The following CCR5AS variants were observed in gnomAD, a reference collection of about 807,000 sequenced individuals.
The protein encoded by CCR5AS is CCR5 antisense RNA.
At chr3:46,372,087 G>C (rs1328380532) in intron 2 of CCR5AS, among the ~76,000 whole-genome samples, 1 of 152,178 alleles carries the variant, frequency 6.6e-6, no homozygotes, top group African/African-American at 2.4e-5. Flanking sequence ...TGCCTCATAA[G>C]GTTGCCCTAA....
intron 2 of CCR5AS, among the ~76,000 whole-genome samples, chr3:46,381,722 G>A (rs1456024138): frequency 6.6e-6 from 1 of 152,168 alleles, no homozygotes; most frequent in Non-Finnish European, 1.5e-5. Flanking sequence ...ATGGTTTCCT[G>A]ACATATAATC....
At chr3:46,373,455 A>C (rs768195565) in intron 2 of CCR5AS, 4 of 1,317,080 alleles carry the variant, frequency 3.0e-6, no homozygotes, top group East Asian at 4.5e-5. Flanking sequence ...TTTTCCATAC[A>C]GTCAGTATCA....
At chr3:46,366,040 G>A (rs1701595321) in intron 3 of CCR5AS, among the ~76,000 whole-genome samples, 1 of 152,164 alleles carries the variant, frequency 6.6e-6, no homozygotes, top group Admixed American at 6.5e-5. Context: ...GAGGAGAGAT[G>A]CCCTCACTCG....
chr3:46,403,909 A>G (rs1053088199), intron 1 of CCR5AS, among the ~76,000 whole-genome samples: 4 of 152,222 alleles, frequency 2.6e-5, no homozygotes, highest in Non-Finnish European at 5.9e-5. Context: ...GAACAAAAAC[A>G]AAATAAAAAC....
chr3:46,380,314 G>A (rs1575282699), intron 2 of CCR5AS, among the ~76,000 whole-genome samples: 1 of 152,180 alleles, frequency 6.6e-6, no homozygotes, highest in East Asian at 1.9e-4. Context: ...GAAGTAAAAG[G>A]TGAGATTTGC....
exon 4 of CCR5AS, among the ~76,000 whole-genome samples, chr3:46,364,598 T>A (rs1701582986): frequency 6.6e-6 from 1 of 151,934 alleles, no homozygotes; most frequent in Admixed American, 6.6e-5. Context: ...TCAAGTCTTA[T>A]TAAGAAATAT....
chr3:46,381,160 T>C (rs1349444123), intron 2 of CCR5AS, among the ~76,000 whole-genome samples: 1 of 152,236 alleles, frequency 6.6e-6, no homozygotes, highest in African/African-American at 2.4e-5. Context: ...CTGGCGCCCA[T>C]GCTGAGCTTG....
At chr3:46,386,087 A>AT (rs954826860) in intron 2 of CCR5AS, among the ~76,000 whole-genome samples, 28 of 150,332 alleles carry the variant, frequency 1.9e-4, no homozygotes, top group African/African-American at 4.6e-4. Flanking sequence ...AATATTTTGT[A>AT]TTTTTTTTTG....
At chr3:46,405,739 C>G (rs1214344158) in intron 1 of CCR5AS, among the ~76,000 whole-genome samples, 1 of 152,214 alleles carries the variant, frequency 6.6e-6, no homozygotes, top group Admixed American at 6.5e-5. Flanking sequence ...TTGTGTTTCT[C>G]TTTCTGCCTT....
intron 1 of CCR5AS, among the ~76,000 whole-genome samples, chr3:46,402,529 T>C (rs1435442898): frequency 3.3e-5 from 5 of 152,270 alleles, no homozygotes; most frequent in African/African-American, 7.2e-5. Flanking sequence ...ATCACTATCA[T>C]AGTTTTTCTC....
chr3:46,383,348 G>A (rs1453218274), intron 2 of CCR5AS, among the ~76,000 whole-genome samples: 1 of 152,192 alleles, frequency 6.6e-6, no homozygotes, highest in Non-Finnish European at 1.5e-5. Flanking sequence ...GAGAGTGAGG[G>A]CAGCAGGCCA....
At chr3:46,371,569 A>G (rs2106742473) in intron 2 of CCR5AS, among the ~76,000 whole-genome samples, 1 of 152,330 alleles carries the variant, frequency 6.6e-6, no homozygotes, top group South Asian at 2.1e-4. Flanking sequence ...GCCTAGTCTA[A>G]GGTGCAGGGA....
At chr3:46,373,405 G>T in intron 2 of CCR5AS, 2 of 1,614,114 alleles carry the variant, frequency 1.2e-6, no homozygotes. Flanking sequence ...ATCTTTACCA[G>T]ATCTCAAAAA....
chr3:46,374,243 C>T (rs552382275), intron 2 of CCR5AS: 8 of 299,652 alleles, frequency 2.7e-5, no homozygotes, highest in African/African-American at 1.5e-4. Context: ...TCTCCCTTCA[C>T]TCCGAAAGTT....
chr3:46,405,986 C>A (rs1385874435), intron 1 of CCR5AS, among the ~76,000 whole-genome samples: 20 of 151,954 alleles, frequency 1.3e-4, no homozygotes, highest in Admixed American at 3.9e-4. Flanking sequence ...CGTGAACATC[C>A]CACCTTGGCC....
intron 2 of CCR5AS, chr3:46,372,605 TC>T: frequency 4.8e-6 from 1 of 208,570 alleles, no homozygotes; most frequent in Admixed American, 5.3e-5. Flanking sequence ...TGTCAAAGCT[TC>T]ATTCACTCCA....
chr3:46,390,887 C>T (rs942652310), intron 2 of CCR5AS, among the ~76,000 whole-genome samples: 6 of 152,148 alleles, frequency 3.9e-5, no homozygotes, highest in Admixed American at 6.5e-5. Flanking sequence ...GGGAAACAGG[C>T]CCTTGAAAAG....
intron 1 of CCR5AS, among the ~76,000 whole-genome samples, chr3:46,402,038 A>C (rs1380543890): frequency 6.6e-6 from 1 of 152,158 alleles, no homozygotes; most frequent in Non-Finnish European, 1.5e-5. Flanking sequence ...AACTTGCTTT[A>C]GTTTTTTAGT....
intron 2 of CCR5AS, among the ~76,000 whole-genome samples, chr3:46,380,491 A>C (rs1701806052): frequency 6.6e-6 from 1 of 152,230 alleles, no homozygotes; most frequent in Non-Finnish European, 1.5e-5. Context: ...CTATGGTTTG[A>C]AAACAAAAAG....
Sources: allele counts gnomAD v4.1 joint callset (sites outside exome capture counted in the v4.1 genomes callset), GRCh38; gene constraint gnomAD v4.1.1; transcripts MANE v1.5; gene names NCBI Gene and HGNC (gene_info 2026-07-23, HGNC 2026-07-21).